The following CDKN2B variants were observed in gnomAD, a reference collection of about 807,000 sequenced individuals.
CDKN2B encodes cyclin dependent kinase inhibitor 2B.
CDKN2B carries 8 observed loss-of-function variants against 7.7 expected under a neutral mutation model. The ratio of observed to expected loss-of-function variants is 1.04; its 90% CI spans 0.61 to 1.87. CDKN2B has a LOEUF of 1.87. Among genes scored for constraint, CDKN2B ranks in the 40% most tolerant of loss-of-function variants. The pLI, the probability that CDKN2B is intolerant of heterozygous loss-of-function variation, is 0.00. For missense variants in CDKN2B, 244 were observed against 213.1 expected (o/e 1.15, Z -0.90); for synonymous variants, 93 against 95.8 (o/e 0.97, Z 0.17).
rs753970895 is a variant in CDKN2B, at chr9:22,006,168, G to A, written c.236C>T (p.Thr79Ile). Residue 79 changes from threonine (T) to isoleucine (I), a missense_variant, in exon 2 of 2, where the codon ACT becomes ATT. Transcript: ENST00000276925. The surrounding 1 kb of genome is among the most constrained non-coding windows in gnomAD (Gnocchi z 6.4). Reference sequence around the variant, plus strand: ...AGCATCATGCACCGGTCGGGTGAGAGTGGCAGGGTCTGCGCAGTTGGGCTC... The same window carrying A: ...AGCATCATGCACCGGTCGGGTGAGAATGGCAGGGTCTGCGCAGTTGGGCTC... ...GAEPNCADPA[T>I]LTRPVHDAAR... 9 of 1,610,786 alleles carry A rather than the reference G, an allele frequency of 5.6e-6. 1 individual carries two copies. In the Admixed American group the frequency reaches 1.3e-4, roughly 24 times the overall value.
Position 22,004,307 on chromosome 9 carries a change from G to T in CDKN2B, c.*1680C>A, listed in dbSNP as rs1821062907. ...TTCTTATAAGTCTCCACTCTCAAAT[G>T]ACTTGTTTCTGTTCCTTTTTTCTCT... On this transcript the variant is annotated 3_prime_UTR_variant, in exon 2 of 2. Transcript: ENST00000276925. 1 of 232,356 alleles carries T rather than the reference G, an allele frequency of 4.3e-6. No homozygotes were observed. Among genetic ancestry groups the T allele is most frequent in the Non-Finnish European group, 8.5e-6 (1 of 117,544 alleles). 14.4% of individuals were successfully genotyped at this position (232,356 alleles called of 1,614,324 possible).
At chr9:22,008,244 T>G (rs1042552854) in intron 1 of CDKN2B, among the ~76,000 whole-genome samples, 1 of 152,190 alleles carries the variant, frequency 6.6e-6, no homozygotes, top group Non-Finnish European at 1.5e-5. Context: ...ACTATATATT[T>G]TTTCTCTTAT....
intron 1 of CDKN2B, among the ~76,000 whole-genome samples, chr9:22,007,147 G>A (rs1177122743): frequency 6.6e-6 from 1 of 152,122 alleles, no homozygotes. Context: ...ATCACCTGAG[G>A]TCAGGAGTTC....
chr9:22,008,415 G>C (rs1821300374), intron 1 of CDKN2B, among the ~76,000 whole-genome samples: 1 of 151,998 alleles, frequency 6.6e-6, no homozygotes, highest in Non-Finnish European at 1.5e-5. Context: ...TGATTTTGTA[G>C]AATTCCTTAA....
intron 1 of CDKN2B, 71 bp downstream of exon 1, chr9:22,008,727 G>A (rs746208436): frequency 2.5e-6 from 4 of 1,610,608 alleles, no homozygotes; most frequent in Non-Finnish European, 3.4e-6. Flanking sequence ...CTAGGTTCCA[G>A]CCCCGATCCG....
intron 1 of CDKN2B, among the ~76,000 whole-genome samples, chr9:22,007,372 T>C (rs1004483606): frequency 6.6e-6 from 1 of 151,568 alleles, no homozygotes; most frequent in Non-Finnish European, 1.5e-5. Context: ...AAAAATAAAA[T>C]AAATAAATAA....
chr9:22,006,132 C>T lies in CDKN2B; in HGVS notation c.272G>A (p.Gly91Asp). The change falls in exon 2 of 2, where the codon GGC becomes GAC. Residue 91 changes from glycine (G) to aspartate (D), a missense_variant. Physicochemically the swap from Gly to Asp is moderately conservative, Grantham distance 94. Coordinates refer to ENST00000276925, the MANE Select transcript of CDKN2B (RefSeq NM_004936.4). The surrounding 1 kb of genome is among the most constrained non-coding windows in gnomAD (Gnocchi z 6.4). Reference protein sequence around the residue: ...TRPVHDAAREGFLDTLVVLHR... With the variant: ...TRPVHDAAREDFLDTLVVLHR... ...CAGCACCACCAGCGTGTCCAGGAAG[C>T]CCTCCCGGGCAGCATCATGCACCGG... 6.2e-7 allele frequency: 1 copy of T among 1,611,360 alleles called. No homozygotes were observed. The highest frequency in any genetic ancestry group is 8.5e-7 in the Non-Finnish European group (1 of 1,179,838).
Position 22,004,423 on chromosome 9 carries a change from T to C in CDKN2B, c.*1564A>G. On this transcript the variant is annotated 3_prime_UTR_variant, in exon 2 of 2. Coordinates refer to ENST00000276925, the MANE Select transcript of CDKN2B (RefSeq NM_004936.4). ...TTTTCTATGGCATAAGTAAGCAGTT[T>C]TTATGAATTGCTGGTATTGCTTATG... 4.3e-6 allele frequency: 1 copy of C among 232,406 alleles called. No homozygotes were observed. Among genetic ancestry groups the C allele is most frequent in the Non-Finnish European group, 8.5e-6 (1 of 117,590 alleles). The allele number at this position is 232,406 out of a possible 1,614,324, so 14.4% of individuals were successfully genotyped here. A position where few individuals can be genotyped will look rare whatever the true frequency, so the allele number is the denominator to read the frequency against.
chr9:22,007,726 G>GA (rs1032237058), intron 1 of CDKN2B, among the ~76,000 whole-genome samples: 1 of 151,886 alleles, frequency 6.6e-6, no homozygotes, highest in African/African-American at 2.4e-5. Context: ...ATTTTACATA[G>GA]AAAAAAAGGG....
chr9:22,008,447 T>C (rs1821301567), intron 1 of CDKN2B, among the ~76,000 whole-genome samples: 1 of 152,192 alleles, frequency 6.6e-6, no homozygotes, highest in Non-Finnish European at 1.5e-5. Flanking sequence ...AATGCGTAAC[T>C]TATACTTTAC....
chr9:22,008,915 G>T lies in CDKN2B; in HGVS notation c.39C>A (p.Gly13=). 1 of 1,612,862 alleles carries T rather than the reference G, an allele frequency of 6.2e-7. No individual in the cohort carries two copies. Residue 13 remains glycine, a synonymous_variant, in exon 1 of 2, where the codon GGC becomes GGA. Transcript: ENST00000276925. ...CGGCGCTGGCCAGACCCTCATCGCTGCCGCCCCCACTGGGCATGCCCTTGT... is the reference window on the plus strand; with the variant it reads ...CGGCGCTGGCCAGACCCTCATCGCTTCCGCCCCCACTGGGCATGCCCTTGT... ...EENKGMPSGG[G]SDEGLASAAA...
Position 22,005,787 on chromosome 9 carries a change from C to T in CDKN2B, c.*200G>A, listed in dbSNP as rs1337206685. The T allele has an allele frequency of 6.8e-5, 45 of 664,276 alleles. No homozygotes were observed. The East Asian group carries it at 1.0e-3, about 15-fold the overall frequency. The allele number at this position is 664,276 out of a possible 1,614,324, so 41.1% of individuals were successfully genotyped here. A position where few individuals can be genotyped will look rare whatever the true frequency, so the allele number is the denominator to read the frequency against. ...CTGTGTTTCGCTTCATGGTGAGTGT[C>T]GAGGGCCAGATAAGACAAAGAAAAA... On this transcript the variant is annotated 3_prime_UTR_variant, in exon 2 of 2. Coordinates refer to ENST00000276925, the MANE Select transcript of CDKN2B (RefSeq NM_004936.4). The surrounding 1 kb of genome is among the most constrained non-coding windows in gnomAD (Gnocchi z 4.9).
In CDKN2B at chr9:22,003,103, A is replaced by C. The variant is rs1820994128; in HGVS notation, c.*2884T>G. ...TATATGTTTTGCATGTATCCTTCAAAGTGAAATCCTTAACAAATTTAACAG... is the reference window on the plus strand; with the variant it reads ...TATATGTTTTGCATGTATCCTTCAACGTGAAATCCTTAACAAATTTAACAG... On this transcript the variant is annotated 3_prime_UTR_variant, in exon 2 of 2. Transcript: ENST00000276925. 4.7e-6 allele frequency: 1 copy of C among 213,984 alleles called. No homozygotes were observed. The highest frequency in any genetic ancestry group is 1.9e-4 in the South Asian group (1 of 5,370). 13.3% of individuals were successfully genotyped at this position (213,984 alleles called of 1,614,324 possible).
chr9:22,006,005 G>A lies in CDKN2B; in HGVS notation c.399C>T (p.Arg133=). The change falls in exon 2 of 2, where the codon CGC becomes CGT. Residue 133 remains arginine (R), a synonymous_variant. Coordinates refer to ENST00000276925, the MANE Select transcript of CDKN2B (RefSeq NM_004936.4). The surrounding 1 kb of genome is among the most constrained non-coding windows in gnomAD (Gnocchi z 6.4). ...RGHRDVAGYL[R]TATGD Reference sequence around the variant, plus strand: ...CCTGGCGTCAGTCCCCCGTGGCTGTGCGCAGGTACCCTGCAACGTCGCGGT... The same window carrying A: ...CCTGGCGTCAGTCCCCCGTGGCTGTACGCAGGTACCCTGCAACGTCGCGGT... 2 of 1,603,074 alleles carry A rather than the reference G, an allele frequency of 1.2e-6. No homozygotes were observed. The highest frequency in any genetic ancestry group is 8.5e-7 in the Non-Finnish European group (1 of 1,179,770).
At position 22,009,059 on chromosome 9, in the gene CDKN2B, C is replaced by T. The variant is rs989678316; in HGVS notation, c.-106G>A. On this transcript the variant is annotated 5_prime_UTR_variant, in exon 1 of 2. Coordinates refer to ENST00000276925, the MANE Select transcript of CDKN2B (RefSeq NM_004936.4). ...CGCTGCTCCGGCGCACTCTCTCCTT[C>T]CTAGGAGACCTGGGCTCAGCTTCAT... is the stretch of plus-strand genomic sequence containing the variant. 1.3e-6 allele frequency: 2 copies of T among 1,506,792 alleles called. No homozygotes were observed. The highest frequency in any genetic ancestry group is 1.1e-5 in the South Asian group (1 of 87,428). 93.3% of individuals were successfully genotyped at this position (1,506,792 alleles called of 1,614,324 possible). A position where few individuals can be genotyped will look rare whatever the true frequency, so the allele number is the denominator to read the frequency against.
Position 22,004,174 on chromosome 9 carries a change from A to C in CDKN2B, c.*1813T>G, listed in dbSNP as rs1338390698. On this transcript the variant is annotated 3_prime_UTR_variant, in exon 2 of 2. Transcript: ENST00000276925. ...TGTCAATAAACATATCCTTTCCCCA[A>C]TAACATATGCTCTGATTCTCAACTA... 4.3e-6 allele frequency: 1 copy of C among 232,358 alleles called. No homozygotes were observed. Among genetic ancestry groups the C allele is most frequent in the East Asian group, 6.1e-5 (1 of 16,392 alleles). 14.4% of individuals were successfully genotyped at this position (232,358 alleles called of 1,614,324 possible). A position where few individuals can be genotyped will look rare whatever the true frequency, so the allele number is the denominator to read the frequency against.
chr9:22,006,396 G>GT lies in CDKN2B; in HGVS notation c.157-150dup. On this transcript the variant is annotated intron_variant, in intron 1 of 1. Coordinates refer to ENST00000276925, the MANE Select transcript of CDKN2B (RefSeq NM_004936.4). This position sits in a 1 kb window ranked among gnomAD's most constrained non-coding sequence, Gnocchi z 6.4. ...GGTGTTCAGGTCTCTGATGTCTGGT[G>GT]TTTCTTCATTTGCTGATGCAATCCA... is the stretch of plus-strand genomic sequence containing the variant. 1 of 1,091,848 alleles carries GT rather than the reference G, an allele frequency of 9.2e-7. No individual in the cohort carries two copies. The highest frequency in any genetic ancestry group is 1.3e-6 in the Non-Finnish European group (1 of 752,178). 67.6% of individuals were successfully genotyped at this position (1,091,848 alleles called of 1,614,324 possible). A position where few individuals can be genotyped will look rare whatever the true frequency, so the allele number is the denominator to read the frequency against.
In CDKN2B at chr9:22,005,112, A is replaced by ATGTGTGTGTGTG. The variant is rs3028393; in HGVS notation, c.*863_*874dup. 3.6e-4 allele frequency: 81 copies of ATGTGTGTGTGTG among 225,472 alleles called. No individual in the cohort carries two copies. Among genetic ancestry groups the ATGTGTGTGTGTG allele is most frequent in the South Asian group, 1.3e-3 (7 of 5,258 alleles). 14.0% of individuals were successfully genotyped at this position (225,472 alleles called of 1,614,324 possible). A position where few individuals can be genotyped will look rare whatever the true frequency, so the allele number is the denominator to read the frequency against. On this transcript the variant is annotated 3_prime_UTR_variant, in exon 2 of 2. Coordinates refer to ENST00000276925, the MANE Select transcript of CDKN2B (RefSeq NM_004936.4). This position sits in a 1 kb window ranked among gnomAD's most constrained non-coding sequence, Gnocchi z 4.9. ...CATAAGGGGATTTCCGCATCCTAGC[A>ATGTGTGTGTGTG]TGTGTGTGTGTGTGTGTGTGTGTGT...
rs1821134752 is a variant in CDKN2B at position 22,005,619 on chromosome 9, G to C, written c.*368C>G. On this transcript the variant is annotated 3_prime_UTR_variant, in exon 2 of 2. Coordinates refer to ENST00000276925, the MANE Select transcript of CDKN2B (RefSeq NM_004936.4). This position sits in a 1 kb window ranked among gnomAD's most constrained non-coding sequence, Gnocchi z 4.9. ...CACTGCCTTCTCCCACTCAGCGCTGGAGTGGGAGATTCATCCATCGGAAGA... is the reference window on the plus strand; with the variant it reads ...CACTGCCTTCTCCCACTCAGCGCTGCAGTGGGAGATTCATCCATCGGAAGA... 2.2e-6 allele frequency: 1 copy of C among 450,182 alleles called. No homozygotes were observed. The highest frequency in any genetic ancestry group is 2.2e-5 in the South Asian group (1 of 45,318). 27.9% of individuals were successfully genotyped at this position (450,182 alleles called of 1,614,324 possible). A position where few individuals can be genotyped will look rare whatever the true frequency, so the allele number is the denominator to read the frequency against.
Sources: gnomAD v4.1 joint callset for allele counts (sites outside exome capture counted in the v4.1 genomes callset) on GRCh38, gnomAD v4.1.1 for gene constraint, Gnocchi (gnomAD v3.1) non-coding constraint, MANE v1.5 for transcripts, NCBI Gene and HGNC (gene_info 2026-07-23, HGNC 2026-07-21) for gene names.